The following PRPF3 variants were observed in gnomAD, a reference collection of about 807,000 sequenced individuals.
The protein encoded by PRPF3 is pre-mRNA processing factor 3, also known as U4/U6 small nuclear ribonucleoprotein Prp3.
Under a neutral mutation model 89.2 loss-of-function variants are expected in PRPF3, and 3 were observed. That is an observed-to-expected ratio of 0.03 (90% CI 0.02 to 0.09). The LOEUF is 0.09. Ranked by LOEUF, PRPF3 falls within the 10% of genes least tolerant of loss-of-function variation. The pLI, the probability that PRPF3 is intolerant of heterozygous loss-of-function variation, is 1.00. For synonymous variants in PRPF3, 270 were observed against 289.1 expected (o/e 0.93, Z 0.67); for missense variants, 463 against 828.8 (o/e 0.56, Z 5.42).
rs144583589 is a variant in PRPF3 at position 150,334,319 on chromosome 1, G to A, written c.729-616G>A. 2.5e-3 allele frequency among the ~76,000 whole-genome samples: 376 copies of A among 152,036 alleles called. 2 individuals carry two copies. The highest frequency in any genetic ancestry group is 3.5e-3 in the Non-Finnish European group (238 of 67,952). On this transcript the variant is annotated intron_variant, in intron 6 of 15. Coordinates refer to ENST00000324862, the MANE Select transcript of PRPF3 (RefSeq NM_004698.4). ...AGACCATGTCTCAAAAAAAAAGATG[G>A]TATTGCTCACTGATGAGATTGTTCC...
Position 150,344,526 on chromosome 1 carries a change from G to A in PRPF3, c.1619G>A (p.Gly540Glu). Residue 540 changes from glycine (G) to glutamate (E), a missense_variant, in exon 12 of 16, where the codon GGG becomes GAG. Physicochemically the swap from Gly to Glu is moderately conservative, Grantham distance 98. Around this residue, in one of 8 missense-constraint regions of PRPF3, gnomAD observed 261 missense variants for 475.8 expected, o/e 0.55. Transcript: ENST00000324862. ...AAGCTTAAAGAAGACATTTCACAGG[G>A]GGTACACATATCTGTATATAGGTAG... The part of the protein sequence containing the change: ...IKKLKEDISQ[G>E]VHISVYRVRN... The A allele has an allele frequency of 6.2e-7, 1 of 1,614,018 alleles. No homozygotes were observed. The highest frequency in any genetic ancestry group is 1.7e-5 in the Admixed American group (1 of 59,992).
intron 12 of PRPF3, chr1:150,345,713 G>A (rs782116841): frequency 5.2e-6 from 2 of 381,818 alleles, no homozygotes; most frequent in African/African-American, 2.1e-5. Flanking sequence ...TCTTTACATT[G>A]TCAAGAACAA....
chr1:150,332,279 A>C (rs1297847454), intron 4 of PRPF3, among the ~76,000 whole-genome samples: 3 of 151,932 alleles, frequency 2.0e-5, no homozygotes, highest in Admixed American at 6.6e-5. Flanking sequence ...TTAGGTTTGC[A>C]TGCATTATTT....
chr1:150,337,061 C>G (rs187353481), intron 7 of PRPF3, among the ~76,000 whole-genome samples: 1 of 33,378 alleles, frequency 3.0e-5, no homozygotes, highest in East Asian at 6.1e-4. Flanking sequence ...TTTTTTGAGA[C>G]GGAGTCTCGC....
At chr1:150,321,981 C>T (rs1426904257) in intron 1 of PRPF3, among the ~76,000 whole-genome samples, 3 of 152,070 alleles carry the variant, frequency 2.0e-5, no homozygotes, top group Non-Finnish European at 4.4e-5. Context: ...GCTGCCTGCT[C>T]ATTGAGAGGA....
intron 1 of PRPF3, among the ~76,000 whole-genome samples, chr1:150,323,111 A>G (rs1553862601): frequency 1.4e-5 from 2 of 145,280 alleles, no homozygotes; most frequent in Non-Finnish European, 3.0e-5. Context: ...CTGACGTCAG[A>G]TAATCCACCC....
rs1351790081 is a variant in PRPF3 at position 150,352,706 on chromosome 1, T to G, written c.1906-127T>G. On this transcript the variant is annotated intron_variant, in intron 15 of 15. Transcript: ENST00000324862. The stretch of plus-strand genomic sequence containing the variant: ...CCAAGGAAATGGAGGTCACAATTTT[T>G]TTTTAACCATAAAATCACGTTCAGC... 3 of 1,042,170 alleles carry G rather than the reference T, an allele frequency of 2.9e-6. No individual in the cohort carries two copies. In the African/African-American group the frequency reaches 4.9e-5, roughly 17 times the overall value. The allele number at this position is 1,042,170 out of a possible 1,614,324, so 64.6% of individuals were successfully genotyped here. A position where few individuals can be genotyped will look rare whatever the true frequency, so the allele number is the denominator to read the frequency against.
At chr1:150,330,616 A>C (rs1245014271) in intron 4 of PRPF3, 1 of 152,046 alleles carries the variant, frequency 6.6e-6, no homozygotes. Flanking sequence ...CGGCCTCCCA[A>C]AGTGCTGGGA....
intron 10 of PRPF3, 74 bp from the exon 11 acceptor site, chr1:150,344,088 A>G (rs1489278607): frequency 7.2e-6 from 9 of 1,245,850 alleles, no homozygotes; most frequent in Non-Finnish European, 1.1e-5. Context: ...ATGAATTGGT[A>G]TGGAAGAAAT....
chr1:150,347,025 G>A (rs1389633492), intron 14 of PRPF3, among the ~76,000 whole-genome samples: 5 of 152,082 alleles, frequency 3.3e-5, no homozygotes, highest in Admixed American at 6.6e-5. Flanking sequence ...TGGGGAGGTC[G>A]AGGCTGCAGT....
At chr1:150,346,328 C>T in intron 13 of PRPF3, 80 bp from the exon 14 acceptor site, 1 of 1,433,332 alleles carries the variant, frequency 7.0e-7, no homozygotes, top group Non-Finnish European at 9.8e-7. Context: ...TCAACTACCA[C>T]ATTAATGTCT....
rs145739635 is a variant in PRPF3, at chr1:150,352,401, C to T, written c.1906-432C>T. Among the ~76,000 whole-genome samples the T allele has an allele frequency of 4.3e-4, 66 of 152,348 alleles. No homozygotes were observed. In the East Asian group the frequency reaches 0.012, roughly 28 times the overall value. On this transcript the variant is annotated intron_variant, in intron 15 of 15. Coordinates refer to ENST00000324862, the MANE Select transcript of PRPF3 (RefSeq NM_004698.4). ...TCCAAGGAGGCCGGGCGCGGTGGCT[C>T]ACGCCTATAATCCCAGCACTTTGGG...
At chr1:150,340,824 A>G (rs1196770665) in intron 9 of PRPF3, among the ~76,000 whole-genome samples, 1 of 152,066 alleles carries the variant, frequency 6.6e-6, no homozygotes, top group East Asian at 1.9e-4. Context: ...AGGAAAAAAA[A>G]TTTGGCTGGG....
At chr1:150,333,275 T>C (rs1157275049) in intron 6 of PRPF3, 76 bp downstream of exon 6, 4 of 1,501,520 alleles carry the variant, frequency 2.7e-6, no homozygotes, top group Non-Finnish European at 3.7e-6. Context: ...ATGTTACTGA[T>C]CTGGCTGGGC....
chr1:150,326,500 G>A (rs587772450), intron 3 of PRPF3, among the ~76,000 whole-genome samples: 3 of 151,952 alleles, frequency 2.0e-5, no homozygotes, highest in Non-Finnish European at 4.4e-5. Context: ...AGTATTAGCA[G>A]TATCAAGTAG....
At position 150,328,379 on chromosome 1, in the gene PRPF3, A is replaced by C; in HGVS notation, c.336A>C (p.Arg112=). Residue 112 remains arginine, a synonymous_variant, in exon 4 of 16, where the codon CGA becomes CGC. Coordinates refer to ENST00000324862, the MANE Select transcript of PRPF3 (RefSeq NM_004698.4). The part of the protein sequence containing the change: ...SKESSGVKKR[R]IPRFEEVEEE... ...AATCATCAGGAGTAAAGAAGCGACG[A>C]ATACCCCGTTTTGAGGAGGTGGAAG... The C allele has an allele frequency of 6.2e-7, 1 of 1,613,974 alleles. No homozygotes were observed. The highest frequency in any genetic ancestry group is 1.1e-5 in the South Asian group (1 of 91,072).
intron 5 of PRPF3, 37 bp downstream of exon 5, chr1:150,332,804 T>C (rs1161261562): frequency 1.9e-6 from 3 of 1,603,562 alleles, no homozygotes; most frequent in Non-Finnish European, 1.7e-6. Flanking sequence ...GAATAATCTT[T>C]GGCACAGAAT....
intron 14 of PRPF3, among the ~76,000 whole-genome samples, chr1:150,348,242 T>C: frequency 6.6e-6 from 1 of 151,766 alleles, no homozygotes; most frequent in East Asian, 2.0e-4. Context: ...GAGCTGGGCG[T>C]GGCAGCGTGC....
In PRPF3 at chr1:150,335,233, C is replaced by T. The variant is rs1553867015; in HGVS notation, c.1027C>T (p.Arg343Trp). 2.5e-6 allele frequency: 4 copies of T among 1,613,632 alleles called. No homozygotes were observed. Among genetic ancestry groups the T allele is most frequent in the South Asian group, 1.1e-5 (1 of 91,068 alleles). Reference protein sequence around the residue: ...GKFEKIAQRLRTKAQLEKLQA... With the variant: ...GKFEKIAQRLWTKAQLEKLQA... Reference sequence around the variant, plus strand: ...ATTTGAGAAGATTGCTCAGCGATTACGGACAAAGGTATCTGGCTTAGAGTA... The same window carrying T: ...ATTTGAGAAGATTGCTCAGCGATTATGGACAAAGGTATCTGGCTTAGAGTA... The change falls in exon 7 of 16, where the codon CGG becomes TGG. Residue 343 changes from arginine to tryptophan, a missense_variant. Around this residue, in one of 8 missense-constraint regions of PRPF3, gnomAD observed 261 missense variants for 475.8 expected, o/e 0.55. Coordinates refer to ENST00000324862, the MANE Select transcript of PRPF3 (RefSeq NM_004698.4).
Sources: allele counts gnomAD v4.1 joint callset (sites outside exome capture counted in the v4.1 genomes callset), GRCh38; gene constraint gnomAD v4.1.1; regional missense constraint gnomAD v4.1.1; transcripts MANE v1.5; gene names NCBI Gene and HGNC (gene_info 2026-07-23, HGNC 2026-07-21).